KIF7: variants seen among roughly 807,000 people sequenced by gnomAD.
KIF7 encodes kinesin family member 7.
KIF7 carries 104 observed loss-of-function variants against 135.7 expected under a neutral mutation model. That is an observed-to-expected ratio of 0.77 (90% CI 0.65 to 0.90). The LOEUF (loss-of-function observed/expected upper bound fraction) is 0.90. Ranked by LOEUF, KIF7 falls within the 40% of genes least tolerant of loss-of-function variation. The pLI is 0.00. For synonymous variants in KIF7, 883 were observed against 809.4 expected (o/e 1.09, Z -1.54); for missense variants, 2,005 against 1,839.1 (o/e 1.09, Z -1.65).
At chr15:89,633,564 G>A in intron 12 of KIF7, 122 bp downstream of exon 12, 2 of 1,100,096 alleles carry the variant, frequency 1.8e-6, no homozygotes, top group South Asian at 1.4e-5. Context: ...CTCAGGCTAA[G>A]TGACCTGCTT....
chr15:89,635,340 G>A (rs190047542), intron 11 of KIF7, among the ~76,000 whole-genome samples: 144 of 152,350 alleles, frequency 9.5e-4, no homozygotes, highest in Middle Eastern at 3.4e-3. Context: ...TGACTTTGAC[G>A]AGCTGAGAGA....
Position 89,631,607 on chromosome 15 carries a change from T to C in KIF7, c.2999A>G (p.Gln1000Arg). The C allele has an allele frequency of 6.4e-7, 1 of 1,562,406 alleles. No individual in the cohort carries two copies. The highest frequency in any genetic ancestry group is 2.4e-5 in the East Asian group (1 of 41,808). Residue 1000 changes from glutamine to arginine, a missense_variant, in exon 15 of 19, where the codon CAG (glutamine) becomes CGG (arginine). By Grantham distance (43) the Gln-to-Arg change is conservative (BLOSUM62 1). Transcript: ENST00000394412. ...GQLRQGSAQS[Q>R]QQIRGEIDSL... is the part of the protein sequence containing the mutation. ...GTCGATCTCCCCGCGGATCTGCTGC[T>C]GGCTCTGGGCGCTGCCCTGCCGCAG... is the stretch of plus-strand genomic sequence containing the variant.
intron 16 of KIF7, chr15:89,629,951 G>A: frequency 1.9e-6 from 1 of 513,870 alleles, no homozygotes; most frequent in Admixed American, 3.2e-5. Flanking sequence ...AACATCCCTG[G>A]CCTCCACCCC....
At chr15:89,655,559 T>C (rs1304851319), upstream of KIF7, 3 of 149,644 alleles carry the variant, frequency 2.0e-5, no homozygotes, top group African/African-American at 2.4e-5. Flanking sequence ...CGCGAGCCGG[T>C]CGGCGTCGCG....
Position 89,633,674 on chromosome 15 carries a change from C to T in KIF7, c.2592+12G>A, listed in dbSNP as rs370749315. ...CCTGGACAGAAGGTCCCCACCCTGC[C>T]GTGAGCCTGACCTTGACGCGGTGCT... On this transcript the variant is annotated intron_variant, in intron 12 of 18. Transcript: ENST00000394412. The T allele has an allele frequency of 5.2e-5, 84 of 1,605,046 alleles. No individual in the cohort carries two copies. Among genetic ancestry groups the T allele is most frequent in the Middle Eastern group, 2.2e-4 (1 of 4,606 alleles).
At chr15:89,641,047 T>C (rs1030600430) in intron 11 of KIF7, among the ~76,000 whole-genome samples, 1 of 152,100 alleles carries the variant, frequency 6.6e-6, no homozygotes, top group Non-Finnish European at 1.5e-5. Flanking sequence ...CGTGATGGGC[T>C]GAATTGTGTT....
chr15:89,645,354 C>T lies in KIF7; in HGVS notation c.2020G>A (p.Ala674Thr). Residue 674 changes from alanine (A) to threonine (T), a missense_variant, in exon 9 of 19, where the codon GCC becomes ACC. Physicochemically the swap from Ala to Thr is moderately conservative, Grantham distance 58. Coordinates refer to ENST00000394412, the MANE Select transcript of KIF7 (RefSeq NM_198525.3). ...PELCLEELDA[A>T]IPGSRAVGGS... is the part of the protein sequence containing the mutation. Reference sequence around the variant, plus strand: ...AGCTTACCTCTGGACCCTGGAATGGCTGCATCCAACTCCTCAAGGCAAAGC... The same window carrying T: ...AGCTTACCTCTGGACCCTGGAATGGTTGCATCCAACTCCTCAAGGCAAAGC... The T allele has an allele frequency of 6.2e-7, 1 of 1,614,078 alleles. No homozygotes were observed. The highest frequency in any genetic ancestry group is 8.5e-7 in the Non-Finnish European group (1 of 1,179,926).
In KIF7 at chr15:89,633,217, G is replaced by A. The variant is rs372660203; in HGVS notation, c.2642C>T (p.Thr881Met). 7.0e-5 allele frequency: 112 copies of A among 1,595,570 alleles called. 1 individual carries two copies. The highest frequency in any genetic ancestry group is 3.1e-4 in the Admixed American group (18 of 57,938). ...EQQQKILKIK[T>M]EEIAAFQRKR... is the part of the protein sequence containing the mutation. Reference sequence around the variant, plus strand: ...CCTCTGGAATGCCGCGATCTCTTCCGTCTTAATCTTCAGGATCTTCTGCTG... The same window carrying A: ...CCTCTGGAATGCCGCGATCTCTTCCATCTTAATCTTCAGGATCTTCTGCTG... Residue 881 changes from threonine to methionine, a missense_variant, in exon 13 of 19, where the codon ACG becomes ATG. Thr to Met is a moderately conservative substitution (Grantham distance 81). Transcript: ENST00000394412.
intron 11 of KIF7, among the ~76,000 whole-genome samples, chr15:89,637,357 C>G (rs1378403742): frequency 6.7e-6 from 1 of 148,562 alleles, no homozygotes; most frequent in Non-Finnish European, 1.5e-5. Flanking sequence ...AATAGAGACA[C>G]AAAAAACCCT....
At position 89,652,685 on chromosome 15, in the gene KIF7, G is replaced by C. The variant is rs909513356; in HGVS notation, c.246C>G (p.Phe82Leu). The C allele has an allele frequency of 2.5e-5, 39 of 1,551,408 alleles. No homozygotes were observed. The highest frequency in any genetic ancestry group is 3.3e-5 in the Non-Finnish European group (38 of 1,146,632). ...AGACAGTGGCATTGAAGCCCTCGAAGAAGGCCTCAAGGAGGGGCTGAACGC... is the reference window on the plus strand; with the variant it reads ...AGACAGTGGCATTGAAGCCCTCGAACAAGGCCTCAAGGAGGGGCTGAACGC... ...QACVQPLLEA[F>L]FEGFNATVFA... is the part of the protein sequence containing the mutation. Residue 82 changes from phenylalanine (F) to leucine (L), a missense_variant, in exon 2 of 19, where the codon TTC becomes TTG. By Grantham distance (22) the Phe-to-Leu change is conservative (BLOSUM62 0). Coordinates refer to ENST00000394412, the MANE Select transcript of KIF7 (RefSeq NM_198525.3).
intron 2 of KIF7, 42 bp downstream of exon 2, chr15:89,652,561 G>C: frequency 7.1e-7 from 1 of 1,405,970 alleles, no homozygotes; most frequent in Non-Finnish European, 9.6e-7. Flanking sequence ...AGGAACTAAG[G>C]CTCCTTAAAG....
intron 2 of KIF7, among the ~76,000 whole-genome samples, chr15:89,651,641 A>T (rs986080541): frequency 4.6e-5 from 7 of 152,254 alleles, no homozygotes; most frequent in Non-Finnish European, 5.9e-5. Flanking sequence ...CTGGAAGGCT[A>T]ACAGGGCAGG....
intron 2 of KIF7, among the ~76,000 whole-genome samples, chr15:89,651,946 T>C (rs1964130400): frequency 6.6e-6 from 1 of 152,142 alleles, no homozygotes; most frequent in Non-Finnish European, 1.5e-5. Context: ...CGACTGTCTG[T>C]AAGGAAGAAG....
chr15:89,640,998 G>A (rs905270851), intron 11 of KIF7, among the ~76,000 whole-genome samples: 5 of 151,982 alleles, frequency 3.3e-5, no homozygotes, highest in African/African-American at 7.2e-5. Flanking sequence ...GTGAGACTCC[G>A]TCTCAAAAAA....
At chr15:89,639,322 A>G (rs1963873281) in intron 11 of KIF7, among the ~76,000 whole-genome samples, 1 of 151,512 alleles carries the variant, frequency 6.6e-6, no homozygotes, top group African/African-American at 2.4e-5. Flanking sequence ...GCTTCTGCAC[A>G]GCAAAAGAAA....
intron 1 of KIF7, chr15:89,621,241 G>A (rs145002212): frequency 4.8e-6 from 3 of 619,500 alleles, no homozygotes; most frequent in Admixed American, 3.5e-5. Flanking sequence ...GGCTGGTCTC[G>A]AACTCCTGAC....
chr15:89,637,422 T>C (rs569970535), intron 11 of KIF7, among the ~76,000 whole-genome samples: 1 of 151,814 alleles, frequency 6.6e-6, no homozygotes, highest in Admixed American at 6.6e-5. Context: ...ACAAAATTGA[T>C]AGACCACTAG....
rs59249654 is a variant in KIF7 at position 89,642,628 on chromosome 15, G to A, written c.2192-223C>T. On this transcript the variant is annotated intron_variant, in intron 10 of 18. Coordinates refer to ENST00000394412, the MANE Select transcript of KIF7 (RefSeq NM_198525.3). ...CTTTTTGCCCAGGCTGGAGTGCAGT[G>A]GCGCAATCTTGGCTCAGTGCAACCT... Among the ~76,000 whole-genome samples the A allele has an allele frequency of 0.018, 2,781 of 152,318 alleles. 91 individuals carry two copies. Among genetic ancestry groups the A allele is most frequent in the African/African-American group, 0.064 (2,647 of 41,560 alleles).
Position 89,652,776 on chromosome 15 carries a change from T to C in KIF7, c.155A>G (p.Asp52Gly). The change falls in exon 2 of 19, where the codon GAC becomes GGC. Residue 52 changes from aspartate (D) to glycine (G), a missense_variant. Transcript: ENST00000394412. ...PGLGRVTLGR[D>G]RHFGFHVVLA... is the part of the protein sequence containing the mutation. The stretch of plus-strand genomic sequence containing the variant: ...CACCACGTGGAAGCCAAAGTGTCGG[T>C]CACGGCCCAGAGTGACGCGGCCAAG... The C allele has an allele frequency of 1.2e-5, 19 of 1,551,598 alleles. No homozygotes were observed. Among genetic ancestry groups the C allele is most frequent in the Non-Finnish European group, 1.7e-5 (19 of 1,146,976 alleles).
Sources: allele counts gnomAD v4.1 joint callset (sites outside exome capture counted in the v4.1 genomes callset), GRCh38; gene constraint gnomAD v4.1.1; transcripts MANE v1.5; gene names NCBI Gene and HGNC (gene_info 2026-07-23, HGNC 2026-07-21).